The following PTPN11 variants were observed in gnomAD, a reference collection of about 807,000 sequenced individuals.
PTPN11 encodes the protein tyrosine-protein phosphatase non-receptor type 11.
In PTPN11, 6 loss-of-function variants were observed where a neutral mutation model predicts 78.8. That is an observed-to-expected ratio of 0.08 (90% CI 0.04 to 0.15). The LOEUF is 0.15. Ranked by LOEUF, PTPN11 falls within the 10% of genes least tolerant of loss-of-function variation. PTPN11 has a pLI of 1.00. For synonymous variants in PTPN11, 221 were observed against 263.5 expected (o/e 0.84, Z 1.56); for missense variants, 386 against 744.8 (o/e 0.52, Z 5.61).
chr12:112,446,208 T>C, intron 1 of PTPN11, 68 bp from the exon 2 acceptor site: 1 of 1,587,910 alleles, frequency 6.3e-7, no homozygotes, highest in South Asian at 1.1e-5. Context: ...GTCTTAGCTG[T>C]GTTGTTGTGG....
chr12:112,472,899 G>A (rs1331490257), intron 6 of PTPN11, 45 bp from the exon 7 acceptor site: 3 of 1,444,722 alleles, frequency 2.1e-6, no homozygotes, highest in Non-Finnish European at 2.9e-6. Context: ...TTCTTTTTCT[G>A]TGACTCTTTG....
chr12:112,497,505 T>C lies in PTPN11; in HGVS notation c.1600-4639T>C, dbSNP rs113879746. Among the ~76,000 whole-genome samples, 156 of 152,352 alleles carry C rather than the reference T, an allele frequency of 1.0e-3. 1 individual carries two copies. The highest frequency in any genetic ancestry group is 4.2e-3 in the Admixed American group (65 of 15,308). ...GAGTTAACATGAGGCCGTGCCCCTA[T>C]GTGCCCTATTGTTTCTTCACACAGC... On this transcript the variant is annotated intron_variant, in intron 13 of 15. Transcript: ENST00000351677.
At chr12:112,432,403 C>G (rs1205151183) in intron 1 of PTPN11, among the ~76,000 whole-genome samples, 1 of 152,162 alleles carries the variant, frequency 6.6e-6, no homozygotes, top group Non-Finnish European at 1.5e-5. Flanking sequence ...CAGTGGCTCT[C>G]ACCTGCAATC....
At chr12:112,475,899 A>G (rs1179027513) in intron 7 of PTPN11, among the ~76,000 whole-genome samples, 3 of 152,234 alleles carry the variant, frequency 2.0e-5, no homozygotes, top group Non-Finnish European at 4.4e-5. Context: ...GAATTTGCAG[A>G]GAAGCAGTTT....
rs778785296 is a variant in PTPN11, at chr12:112,477,636, C to T, written c.854-15C>T. 12 of 1,601,684 alleles carry T rather than the reference C, an allele frequency of 7.5e-6. No individual in the cohort carries two copies. Among genetic ancestry groups the T allele is most frequent in the African/African-American group, 1.3e-5 (1 of 74,524 alleles). On this transcript the variant is annotated splice_polypyrimidine_tract_variant and intron_variant, in intron 7 of 15. Coordinates refer to ENST00000351677, the MANE Select transcript of PTPN11 (RefSeq NM_002834.5). ...AGTCCAGGACTTATGTGACCGTGGTCTCTTTTTCTTCTAGTTGATCATACC... is the reference window on the plus strand; with the variant it reads ...AGTCCAGGACTTATGTGACCGTGGTTTCTTTTTCTTCTAGTTGATCATACC...
At chr12:112,434,842 A>G (rs901234561) in intron 1 of PTPN11, among the ~76,000 whole-genome samples, 2 of 151,950 alleles carry the variant, frequency 1.3e-5, no homozygotes, top group African/African-American at 4.8e-5. Context: ...GCTGGGGTGC[A>G]GTGGTGCAAT....
At position 112,488,115 on chromosome 12, in the gene PTPN11, A is replaced by G. The variant is rs529401523; in HGVS notation, c.1380-328A>G. Among the ~76,000 whole-genome samples the G allele has an allele frequency of 3.9e-5, 6 of 152,014 alleles. No homozygotes were observed. In the East Asian group the frequency reaches 7.7e-4, roughly 20 times the overall value. Reference sequence around the variant, plus strand: ...CAGTAATTTTGATGTATTTTTTTGTATATGATTCCTGTTTCATTCTGTCCA... The same window carrying G: ...CAGTAATTTTGATGTATTTTTTTGTGTATGATTCCTGTTTCATTCTGTCCA... On this transcript the variant is annotated intron_variant, in intron 11 of 15. Transcript: ENST00000351677.
In PTPN11 at chr12:112,454,515, T is replaced by C. The variant is rs1321881234; in HGVS notation, c.526-49T>C. 2.2e-6 allele frequency: 3 copies of C among 1,371,022 alleles called. No homozygotes were observed. In the South Asian group the frequency reaches 3.5e-5, roughly 16 times the overall value. 84.9% of individuals were successfully genotyped at this position (1,371,022 alleles called of 1,614,324 possible). On this transcript the variant is annotated intron_variant, in intron 4 of 15. Coordinates refer to ENST00000351677, the MANE Select transcript of PTPN11 (RefSeq NM_002834.5). ...ACATGAGAGTGCTTGAAAACACTAA[T>C]GTAACATAAAGGTAACAAATAATAA... is the stretch of plus-strand genomic sequence containing the variant.
chr12:112,493,348 T>C (rs2038776644), intron 13 of PTPN11, among the ~76,000 whole-genome samples: 1 of 151,374 alleles, frequency 6.6e-6, no homozygotes, highest in South Asian at 2.1e-4. Context: ...CGTGAGCCAC[T>C]GTGCCCGGCC....
intron 1 of PTPN11, among the ~76,000 whole-genome samples, chr12:112,429,823 A>G (rs1377287903): frequency 6.6e-6 from 1 of 151,514 alleles, no homozygotes; most frequent in Non-Finnish European, 1.5e-5. Flanking sequence ...ACAACAACAA[A>G]AAAAGAAATT....
chr12:112,477,103 G>C lies in PTPN11; in HGVS notation c.854-548G>C, dbSNP rs115818482. 3.0e-3 allele frequency among the ~76,000 whole-genome samples: 453 copies of C among 151,852 alleles called. 2 individuals are homozygous for C. The highest frequency in any genetic ancestry group is 0.01 in the African/African-American group (428 of 41,394). On this transcript the variant is annotated intron_variant, in intron 7 of 15. Coordinates refer to ENST00000351677, the MANE Select transcript of PTPN11 (RefSeq NM_002834.5). Reference sequence around the variant, plus strand: ...GTGATCTTGGCTCACTGCAATGTCCGCCTCTCGGGTTCAAGCGATTTTTGT... The same window carrying C: ...GTGATCTTGGCTCACTGCAATGTCCCCCTCTCGGGTTCAAGCGATTTTTGT...
At chr12:112,463,663 C>A (rs1234920505) in intron 6 of PTPN11, among the ~76,000 whole-genome samples, 1 of 152,020 alleles carries the variant, frequency 6.6e-6, no homozygotes, top group African/African-American at 2.4e-5. Context: ...TTATTAACAA[C>A]AAAAGGGAAA....
At position 112,424,887 on chromosome 12, in the gene PTPN11, GTGTA is replaced by G. The variant is rs1460849316; in HGVS notation, c.14+5766_14+5769del. Among the ~76,000 whole-genome samples, 855 of 140,698 alleles carry G rather than the reference GTGTA, an allele frequency of 6.1e-3. 42 individuals are homozygous for G. In the East Asian group the frequency reaches 0.061, roughly 10 times the overall value. The allele number at this position is 140,698 out of a possible 152,430, so 92.3% of individuals were successfully genotyped here. ...GCTAATTGTGTGTGTGTGTGTGTGTGTGTATGTGTGTGTGTGTGTGTGTGTGTGT... is the reference window on the plus strand; with the variant it reads ...GCTAATTGTGTGTGTGTGTGTGTGTGTGTGTGTGTGTGTGTGTGTGTGTGT... On this transcript the variant is annotated intron_variant, in intron 1 of 15. Transcript: ENST00000351677.
At chr12:112,466,720 A>T (rs2038330905) in intron 6 of PTPN11, among the ~76,000 whole-genome samples, 2 of 152,112 alleles carry the variant, frequency 1.3e-5, no homozygotes, top group African/African-American at 4.8e-5. Context: ...AAAATTTAAG[A>T]AAGAAAAAAA....
chr12:112,474,323 A>G (rs1054996241), intron 7 of PTPN11, among the ~76,000 whole-genome samples: 1 of 152,154 alleles, frequency 6.6e-6, no homozygotes, highest in Non-Finnish European at 1.5e-5. Flanking sequence ...TATGTGCACC[A>G]CTGCACTCCA....
chr12:112,490,579 A>G (rs1197119796), intron 13 of PTPN11, among the ~76,000 whole-genome samples: 1 of 151,814 alleles, frequency 6.6e-6, no homozygotes, highest in Non-Finnish European at 1.5e-5. Flanking sequence ...AGTAGTTAGG[A>G]CTACAAATTT....
chr12:112,451,944 C>T (rs188532728), intron 3 of PTPN11, among the ~76,000 whole-genome samples: 7 of 152,210 alleles, frequency 4.6e-5, no homozygotes, highest in East Asian at 3.9e-4. Context: ...GACGCGATCT[C>T]GGCTCACTAC....
chr12:112,476,196 A>G (rs541561421), intron 7 of PTPN11, among the ~76,000 whole-genome samples: 34 of 152,178 alleles, frequency 2.2e-4, no homozygotes, highest in Non-Finnish European at 4.9e-4. Flanking sequence ...GAAGGGATCA[A>G]TGGTATGCAG....
chr12:112,450,798 C>T (rs2038069060), intron 3 of PTPN11, among the ~76,000 whole-genome samples: 1 of 152,188 alleles, frequency 6.6e-6, no homozygotes, highest in African/African-American at 2.4e-5. Flanking sequence ...ACTTATTGAA[C>T]TTCAGCAGAT....
Sources: gnomAD v4.1 joint callset for allele counts (sites outside exome capture counted in the v4.1 genomes callset) on GRCh38, gnomAD v4.1.1 for gene constraint, MANE v1.5 for transcripts, NCBI Gene and HGNC (gene_info 2026-07-23, HGNC 2026-07-21) for gene names.